Variants in CNTN3 observed in about 807,000 individuals in gnomAD.
CNTN3 encodes contactin 3.
CNTN3 carries 60 observed loss-of-function variants against 119.1 expected under a neutral mutation model. The ratio of observed to expected loss-of-function variants is 0.50; its 90% CI spans 0.41 to 0.62. The LOEUF (loss-of-function observed/expected upper bound fraction) is 0.62, where lower values mean the gene tolerates loss of function less well. CNTN3 is among the 20% of genes least tolerant of loss of function. The probability of loss-of-function intolerance (pLI) is 0.00; values close to 1 mark genes in which losing one functional copy is unlikely to be tolerated. For missense variants in CNTN3, 1,101 were observed against 1,242.4 expected (o/e 0.89, Z 1.71); for synonymous variants, 450 against 438.7 (o/e 1.03, Z -0.32).
At chr3:74,285,790 G>GATAGATAT (rs1395730243) in intron 19 of CNTN3, among the ~76,000 whole-genome samples, 3 of 56,514 alleles carry the variant, frequency 5.3e-5, no homozygotes, top group Non-Finnish European at 8.0e-5. Flanking sequence ...ATGAAGGGGA[G>GATAGATAT]ATATATATAT....
intron 5 of CNTN3, among the ~76,000 whole-genome samples, chr3:74,380,003 T>C (rs948681345): frequency 1.3e-5 from 2 of 152,238 alleles, no homozygotes; most frequent in African/African-American, 4.8e-5. Flanking sequence ...TTGCAGTTCC[T>C]GCAACCTCCA....
intron 1 of CNTN3, among the ~76,000 whole-genome samples, chr3:74,601,040 C>T (rs1057440007): frequency 6.8e-6 from 1 of 146,338 alleles, no homozygotes; most frequent in East Asian, 2.2e-4. Context: ...ATATGTATAT[C>T]ATATATATTT....
intron 8 of CNTN3, among the ~76,000 whole-genome samples, chr3:74,368,346 T>G (rs1403099598): frequency 6.6e-6 from 1 of 152,112 alleles, no homozygotes; most frequent in Non-Finnish European, 1.5e-5. Context: ...TTCCAAATTC[T>G]AAAATAAATA....
intron 11 of CNTN3, among the ~76,000 whole-genome samples, chr3:74,345,788 T>G (rs56655147): frequency 0.054 from 8,265 of 152,286 alleles, 734 homozygotes; most frequent in African/African-American, 0.18. Context: ...GATTGTTAAT[T>G]CACAGTATTT....
At chr3:74,376,464 G>C (rs1381966164) in intron 5 of CNTN3, among the ~76,000 whole-genome samples, 1 of 152,146 alleles carries the variant, frequency 6.6e-6, no homozygotes, top group Non-Finnish European at 1.5e-5. Context: ...ACATGTGAGG[G>C]ATCTAGGTTG....
At chr3:74,440,539 G>A (rs1185515640) in intron 4 of CNTN3, among the ~76,000 whole-genome samples, 1 of 151,238 alleles carries the variant, frequency 6.6e-6, no homozygotes, top group African/African-American at 2.4e-5. Context: ...AGAAATGCAT[G>A]TACAGTTAGC....
At chr3:74,266,359 A>G in intron 22 of CNTN3, 122 bp downstream of exon 22, 1 of 1,024,622 alleles carries the variant, frequency 9.8e-7, no homozygotes, top group Non-Finnish European at 1.4e-6. Context: ...CCAAAACCTT[A>G]CCGGCATTTG....
In CNTN3 at chr3:74,586,348, C is replaced by T. The variant is rs931210901; in HGVS notation, c.-81+28043G>A. 3.9e-5 allele frequency among the ~76,000 whole-genome samples: 6 copies of T among 152,066 alleles called. 1 individual carries two copies. The highest frequency in any genetic ancestry group is 6.6e-5 in the Admixed American group (1 of 15,234). On this transcript the variant is annotated intron_variant, in intron 1 of 22. Coordinates refer to ENST00000263665, the MANE Select transcript of CNTN3 (RefSeq NM_020872.3). ...GGAAAATGCTAAAATATACATTGTA[C>T]CCTATAAACTTCTATACCTGGACTG...
intron 13 of CNTN3, among the ~76,000 whole-genome samples, chr3:74,326,935 T>G (rs928273344): frequency 2.6e-5 from 4 of 152,202 alleles, no homozygotes; most frequent in African/African-American, 9.6e-5. Flanking sequence ...GGAAGAAGTA[T>G]CTTTGTGTTC....
At chr3:74,456,523 C>T (rs9815102) in intron 4 of CNTN3, among the ~76,000 whole-genome samples, 77,730 of 151,874 alleles carry the variant, frequency 0.51, 20,239 homozygotes, top group Non-Finnish European at 0.55. Context: ...TGTTAAAATA[C>T]TAACAATGTC....
At chr3:74,586,894 G>A (rs1704601986) in intron 1 of CNTN3, among the ~76,000 whole-genome samples, 1 of 151,932 alleles carries the variant, frequency 6.6e-6, no homozygotes, top group Non-Finnish European at 1.5e-5. Context: ...AATCTAATTA[G>A]GGAACACCGA....
chr3:74,495,346 C>A (rs551286257), intron 3 of CNTN3, among the ~76,000 whole-genome samples: 185 of 151,876 alleles, frequency 1.2e-3, no homozygotes, highest in African/African-American at 1.5e-3. Flanking sequence ...TGCATATAAT[C>A]AAAATTATGC....
intron 13 of CNTN3, among the ~76,000 whole-genome samples, chr3:74,314,947 A>G (rs1207294014): frequency 6.6e-6 from 1 of 152,190 alleles, no homozygotes; most frequent in Non-Finnish European, 1.5e-5. Flanking sequence ...TCTTATTCAC[A>G]GGGTGAGACA....
At chr3:74,507,682 A>G (rs144534242) in intron 2 of CNTN3, among the ~76,000 whole-genome samples, 344 of 134,172 alleles carry the variant, frequency 2.6e-3, no homozygotes, top group African/African-American at 9.3e-3. Flanking sequence ...CGCAGGCTGC[A>G]GTGCAGTGGC....
At chr3:74,272,761 T>A (rs1701803792) in intron 20 of CNTN3, among the ~76,000 whole-genome samples, 1 of 152,110 alleles carries the variant, frequency 6.6e-6, no homozygotes, top group African/African-American at 2.4e-5. Flanking sequence ...ATCCCCTCTA[T>A]ACTAACATCA....
At chr3:74,447,498 T>G (rs922876001) in intron 4 of CNTN3, among the ~76,000 whole-genome samples, 1 of 152,188 alleles carries the variant, frequency 6.6e-6, no homozygotes, top group African/African-American at 2.4e-5. Flanking sequence ...AATATGCATT[T>G]TTCATTGGTT....
chr3:74,289,575 A>G (rs1702183684), intron 19 of CNTN3, among the ~76,000 whole-genome samples: 1 of 152,084 alleles, frequency 6.6e-6, no homozygotes, highest in Non-Finnish European at 1.5e-5. Flanking sequence ...GTACAATCTC[A>G]TCCCAAAGCC....
chr3:74,439,144 C>T (rs531346761), intron 4 of CNTN3, among the ~76,000 whole-genome samples: 4 of 152,234 alleles, frequency 2.6e-5, no homozygotes, highest in African/African-American at 9.6e-5. Flanking sequence ...TATGAACTAT[C>T]TGGAAAAAAT....
chr3:74,599,722 A>G (rs548294800), intron 1 of CNTN3, among the ~76,000 whole-genome samples: 25 of 152,216 alleles, frequency 1.6e-4, no homozygotes, highest in African/African-American at 5.5e-4. Context: ...ACTGAATGTG[A>G]AATGTTCATA....
Sources: gnomAD v4.1 joint callset for allele counts (sites outside exome capture counted in the v4.1 genomes callset) on GRCh38, gnomAD v4.1.1 for gene constraint, MANE v1.5 for transcripts, NCBI Gene and HGNC (gene_info 2026-07-23, HGNC 2026-07-21) for gene names.